Variants in TARBP1 observed in about 807,000 individuals in gnomAD.
The protein encoded by TARBP1 is tRNA (guanosine(18)-2'-O)-methyltransferase TARBP1.
Under a neutral mutation model 178.6 loss-of-function variants are expected in TARBP1, and 144 were observed. That is an observed-to-expected ratio of 0.81 (90% CI 0.70 to 0.93). The LOEUF (loss-of-function observed/expected upper bound fraction) is 0.93, where lower values mean the gene tolerates loss of function less well. Among genes scored for constraint, TARBP1 ranks in the 40% least tolerant of loss-of-function variants. The pLI, the probability that TARBP1 is intolerant of heterozygous loss-of-function variation, is 0.00. For missense variants in TARBP1, 2,067 were observed against 2,011.7 expected, an observed-to-expected ratio of 1.03 and a Z score of -0.53; for synonymous variants, 787 against 781.0, an observed-to-expected ratio of 1.01 and a Z score of -0.13.
intron 13 of TARBP1, among the ~76,000 whole-genome samples, chr1:234,435,079 T>G (rs1664862003): frequency 6.6e-6 from 1 of 152,178 alleles, no homozygotes; most frequent in African/African-American, 2.4e-5. Flanking sequence ...CAAATTAGAA[T>G]TAAATTGAGT....
At chr1:234,467,078 G>T (rs1668519178) in intron 4 of TARBP1, among the ~76,000 whole-genome samples, 1 of 152,168 alleles carries the variant, frequency 6.6e-6, no homozygotes, top group Non-Finnish European at 1.5e-5. Flanking sequence ...TGCTTAGAAG[G>T]CAATCCCTAT....
At chr1:234,429,031 G>T in intron 17 of TARBP1, 105 bp downstream of exon 17, 1 of 1,027,436 alleles carries the variant, frequency 9.7e-7, no homozygotes, top group African/African-American at 1.7e-5. Flanking sequence ...TTGACTGAAG[G>T]AATAAAGAGC....
At chr1:234,421,524 G>A (rs74763984) in intron 20 of TARBP1, among the ~76,000 whole-genome samples, 3 of 139,726 alleles carry the variant, frequency 2.1e-5, no homozygotes, top group Admixed American at 7.1e-5. Context: ...TTGTGCCCCC[G>A]TGTCATATTC....
rs775408456 is a variant in TARBP1, at chr1:234,401,270, T to C, written c.3990-8A>G. 107 of 1,608,908 alleles carry C rather than the reference T, an allele frequency of 6.7e-5. No individual in the cohort carries two copies. The highest frequency in any genetic ancestry group is 9.0e-5 in the Non-Finnish European group (106 of 1,176,536). Reference sequence around the variant, plus strand: ...CAATTCTTCTTGGCATTCCTAAGGATTAAAAATATGGTATGAGCCACAGAC... The same window carrying C: ...CAATTCTTCTTGGCATTCCTAAGGACTAAAAATATGGTATGAGCCACAGAC... On this transcript the variant is annotated splice_region_variant and splice_polypyrimidine_tract_variant and intron_variant, in intron 24 of 29. Transcript: ENST00000040877.
At chr1:234,472,952 T>A (rs942935346) in intron 1 of TARBP1, 141 bp from the exon 2 acceptor site, 1 of 693,466 alleles carries the variant, frequency 1.4e-6, no homozygotes, top group Non-Finnish European at 2.5e-6. Flanking sequence ...AGAGCCTGGA[T>A]AGGGGGCTTG....
At chr1:234,404,355 G>A (rs988512626) in intron 24 of TARBP1, among the ~76,000 whole-genome samples, 1 of 152,106 alleles carries the variant, frequency 6.6e-6, no homozygotes, top group African/African-American at 2.4e-5. Flanking sequence ...CAAACAGCAC[G>A]TAAGTTCATT....
rs531404011 is a variant in TARBP1 at position 234,403,017 on chromosome 1, C to T, written c.3990-1755G>A. On this transcript the variant is annotated intron_variant, in intron 24 of 29. Coordinates refer to ENST00000040877, the MANE Select transcript of TARBP1 (RefSeq NM_005646.4). The stretch of plus-strand genomic sequence containing the variant: ...GCCTGTCCATTTCTCTGTCCCTCTA[C>T]TAATCTCATACTAATCTAAATCACA... Among the ~76,000 whole-genome samples the T allele has an allele frequency of 2.0e-5, 3 of 152,280 alleles. No individual in the cohort carries two copies. In the South Asian group the frequency reaches 6.2e-4, roughly 32 times the overall value.
chr1:234,433,626 A>G (rs1664704330), intron 13 of TARBP1, 55 bp from the exon 14 acceptor site: 1 of 1,519,598 alleles, frequency 6.6e-7, no homozygotes, highest in East Asian at 2.3e-5. Flanking sequence ...GATTTTCACA[A>G]AACTACAAGC....
intron 21 of TARBP1, among the ~76,000 whole-genome samples, 184 bp downstream of exon 21, chr1:234,420,517 AC>A (rs148032335): frequency 0.014 from 2,096 of 152,344 alleles, 45 homozygotes; most frequent in African/African-American, 0.048. Context: ...TTTCTACAAT[AC>A]CTAATTGCCT....
rs760701350 is a variant in TARBP1, at chr1:234,393,671, G to A, written c.4410C>T (p.Leu1470=). ...CTCCTAAATTGGTCGGTTTGTCGAT[G>A]AGCGAGGCCACAACGATGAGTCTAC... ...SISRLIVVAS[L]IDKPTNLGGL... Residue 1470 remains leucine, a synonymous_variant, in exon 27 of 30, where the codon CTC becomes CTT. Transcript: ENST00000040877. 1.2e-6 allele frequency: 2 copies of A among 1,612,630 alleles called. No homozygotes were observed. Among genetic ancestry groups the A allele is most frequent in the East Asian group, 2.2e-5 (1 of 44,876 alleles).
intron 12 of TARBP1, among the ~76,000 whole-genome samples, chr1:234,445,349 A>T (rs11576347): frequency 0.3 from 45,718 of 151,934 alleles, 7,079 homozygotes; most frequent in Admixed American, 0.41. Flanking sequence ...TCTCATTCAG[A>T]CTCATGACTT....
chr1:234,478,527 C>A lies in TARBP1; in HGVS notation c.577G>T (p.Gly193Trp). The change falls in exon 1 of 30, where the codon GGG becomes TGG. Residue 193 changes from glycine (G) to tryptophan (W), a missense_variant. Gly to Trp is a radical substitution (Grantham distance 184). Transcript: ENST00000040877. ...PAEDAAALVAGRLLPVLVQCG... is the reference protein window; with the variant it reads ...PAEDAAALVAWRLLPVLVQCG... ...TGGACCAGCACTGGCAGCAGTCGCC[C>A]GGCCACCAGCGCCGCCGCGTCCTCG... The A allele has an allele frequency of 7.3e-7, 1 of 1,372,292 alleles. No individual in the cohort carries two copies. The highest frequency in any genetic ancestry group is 9.4e-7 in the Non-Finnish European group (1 of 1,059,646). The allele number at this position is 1,372,292 out of a possible 1,614,324, so 85.0% of individuals were successfully genotyped here. A position where few individuals can be genotyped will look rare whatever the true frequency, so the allele number is the denominator to read the frequency against.
At chr1:234,446,674 A>ATATATAATTATATAATTTCTTAT in intron 12 of TARBP1, 129 bp downstream of exon 12, 1 of 330,982 alleles carries the variant, frequency 3.0e-6, no homozygotes, top group Non-Finnish European at 4.5e-6. Flanking sequence ...TAATTTCTTA[A>ATATATAATTATATAATTTCTTAT]ATATATATAA....
chr1:234,402,582 T>G (rs991355390), intron 24 of TARBP1, among the ~76,000 whole-genome samples: 1 of 151,474 alleles, frequency 6.6e-6, no homozygotes, highest in Non-Finnish European at 1.5e-5. Flanking sequence ...TTTGTTTGTT[T>G]GTTTTTTTTT....
chr1:234,419,549 G>A (rs1482945060), intron 21 of TARBP1, among the ~76,000 whole-genome samples: 3 of 152,254 alleles, frequency 2.0e-5, no homozygotes, highest in Admixed American at 2.0e-4. Context: ...ATAACAGACT[G>A]CTAGCTTTCC....
At chr1:234,439,979 A>G (rs915005918) in intron 12 of TARBP1, among the ~76,000 whole-genome samples, 1 of 152,198 alleles carries the variant, frequency 6.6e-6, no homozygotes, top group Admixed American at 6.6e-5. Flanking sequence ...AACATTCACC[A>G]AGATAGGCCA....
intron 23 of TARBP1, chr1:234,408,026 C>T (rs1661438024): frequency 6.6e-6 from 1 of 152,174 alleles, no homozygotes; most frequent in Admixed American, 6.5e-5. Flanking sequence ...ATGGAGCCCA[C>T]ACTCAAAAAT....
chr1:234,449,341 T>C (rs1444646814), intron 10 of TARBP1, among the ~76,000 whole-genome samples: 2 of 152,312 alleles, frequency 1.3e-5, no homozygotes, highest in East Asian at 3.9e-4. Context: ...AAGATTTATC[T>C]AGGTACCATG....
At chr1:234,443,761 T>C (rs1318662630) in intron 12 of TARBP1, among the ~76,000 whole-genome samples, 1 of 152,228 alleles carries the variant, frequency 6.6e-6, no homozygotes, top group Non-Finnish European at 1.5e-5. Context: ...CAACAGAATA[T>C]TATTTGGCCT....
Sources: allele counts gnomAD v4.1 joint callset (sites outside exome capture counted in the v4.1 genomes callset), GRCh38; gene constraint gnomAD v4.1.1; transcripts MANE v1.5; gene names NCBI Gene and HGNC (gene_info 2026-07-23, HGNC 2026-07-21).